Variants in KIF5B observed in about 807,000 individuals in gnomAD.
KIF5B encodes the protein kinesin-1 heavy chain.
A neutral mutation model predicts 132.8 loss-of-function variants in KIF5B; 49 were observed. That is an observed-to-expected ratio of 0.37 (90% CI 0.29 to 0.47). The LOEUF (loss-of-function observed/expected upper bound fraction) is 0.47. Ranked by LOEUF, KIF5B falls within the 20% of genes least tolerant of loss-of-function variation. The probability of loss-of-function intolerance (pLI) is 1.00; values close to 1 mark genes in which losing one functional copy is unlikely to be tolerated. For missense variants in KIF5B, 780 were observed against 1,144.0 expected, an observed-to-expected ratio of 0.68 and a Z score of 4.59; for synonymous variants, 355 against 369.4, an observed-to-expected ratio of 0.96 and a Z score of 0.45.
chr10:32,053,929 G>C (rs1410384629), intron 1 of KIF5B, among the ~76,000 whole-genome samples: 1 of 152,078 alleles, frequency 6.6e-6, no homozygotes, highest in African/African-American at 2.4e-5. Context: ...TGGAAACCTA[G>C]AATAAATGTA....
intron 2 of KIF5B, 21 bp from the exon 3 acceptor site, chr10:32,040,478 G>C: frequency 2.1e-6 from 3 of 1,413,592 alleles, no homozygotes; most frequent in Non-Finnish European, 3.0e-6. Context: ...AGATTTTATA[G>C]TTCAGGGGAT....
At position 32,021,084 on chromosome 10, in the gene KIF5B, T is replaced by C. The variant is rs767276141; in HGVS notation, c.2142A>G (p.Lys714=). Residue 714 remains lysine, a synonymous_variant, in exon 19 of 26, where the codon AAA becomes AAG. Transcript: ENST00000302418. The part of the protein sequence containing the change: ...QIQSHRETHQ[K]QISSLRDEVE... ...CTTCATCTCTCAAACTACTGATCTG[T>C]TTTTGATGAGTTTCTCTATGGCTCT... 5 of 1,613,842 alleles carry C rather than the reference T, an allele frequency of 3.1e-6. No individual in the cohort carries two copies. The highest frequency in any genetic ancestry group is 4.2e-6 in the Non-Finnish European group (5 of 1,179,870).
Position 32,010,695 on chromosome 10 carries a change from G to A in KIF5B, c.*842C>T, listed in dbSNP as rs1276427424. ...CTTATATTAGCTAGCAGGCTCACCA[G>A]AATAAAGCAGAGTATTTTAATTCCA... On this transcript the variant is annotated 3_prime_UTR_variant, in exon 26 of 26. Coordinates refer to ENST00000302418, the MANE Select transcript of KIF5B (RefSeq NM_004521.3). The A allele has an allele frequency of 1.3e-5, 2 of 152,254 alleles. No individual in the cohort carries two copies. The highest frequency in any genetic ancestry group is 3.9e-4 in the East Asian group (2 of 5,192). The allele number at this position is 152,254 out of a possible 1,614,324, so 9.4% of individuals were successfully genotyped here. A position where few individuals can be genotyped will look rare whatever the true frequency, so the allele number is the denominator to read the frequency against.
chr10:32,034,750 TTTTTTC>T lies in KIF5B; in HGVS notation c.1045_1050del (p.Glu349_Lys350del). The T allele has an allele frequency of 3.7e-6, 6 of 1,609,826 alleles. No individual in the cohort carries two copies. The highest frequency in any genetic ancestry group is 4.2e-6 in the Non-Finnish European group (5 of 1,178,204). ...TGAATAGTGTTCCGCAGGATCTTATTTTTTTCTTTTTCTTTTTCATACTTCTTTTTC... is the reference window on the plus strand; with the variant it reads ...TGAATAGTGTTCCGCAGGATCTTATTTTTTTCTTTTTCATACTTCTTTTTC... On this transcript the variant is annotated inframe_deletion, in exon 11 of 26. Coordinates refer to ENST00000302418, the MANE Select transcript of KIF5B (RefSeq NM_004521.3).
At chr10:32,045,550 G>C (rs77331790) in intron 2 of KIF5B, among the ~76,000 whole-genome samples, 1,889 of 152,208 alleles carry the variant, frequency 0.012, 38 homozygotes, top group African/African-American at 0.043. Context: ...ACGTTCCAGG[G>C]ATAAAAATCT....
chr10:32,041,392 A>T (rs2132608776), intron 2 of KIF5B, among the ~76,000 whole-genome samples: 1 of 152,334 alleles, frequency 6.6e-6, no homozygotes, highest in East Asian at 1.9e-4. Flanking sequence ...CTTATAATAA[A>T]GAATCTCTTG....
At chr10:32,053,421 TAA>T (rs34885039) in intron 1 of KIF5B, among the ~76,000 whole-genome samples, 132 of 135,778 alleles carry the variant, frequency 9.7e-4, no homozygotes, top group African/African-American at 1.5e-3. Context: ...GGTTACACGT[TAA>T]AAAAAAAAAA....
At chr10:32,045,864 C>T (rs1841601267) in intron 2 of KIF5B, among the ~76,000 whole-genome samples, 1 of 152,120 alleles carries the variant, frequency 6.6e-6, no homozygotes, top group Admixed American at 6.5e-5. Flanking sequence ...AGGTAAGAGG[C>T]TCTGAAGTTG....
At chr10:32,047,845 C>T (rs1353229782) in intron 2 of KIF5B, among the ~76,000 whole-genome samples, 2 of 152,174 alleles carry the variant, frequency 1.3e-5, no homozygotes, top group African/African-American at 2.4e-5. Flanking sequence ...CACAAAGTAA[C>T]AGCCATTCCT....
intron 10 of KIF5B, among the ~76,000 whole-genome samples, 159 bp from the exon 11 acceptor site, chr10:32,034,997 C>G (rs1254548443): frequency 1.9e-4 from 29 of 151,056 alleles, no homozygotes; most frequent in Admixed American, 1.9e-3. Flanking sequence ...ATTTACAACT[C>G]AACTAAATTT....
rs746419991 is a variant in KIF5B at position 32,018,099 on chromosome 10, A to T, written c.2497T>A (p.Ser833Thr). 3.1e-6 allele frequency: 5 copies of T among 1,611,722 alleles called. No individual in the cohort carries two copies. Among genetic ancestry groups the T allele is most frequent in the Non-Finnish European group, 4.2e-6 (5 of 1,178,368 alleles). ...GGSAAQKQKI[S>T]FLENNLEQLT... ...TGTTCAAGATTATTTTCAAGAAAGG[A>T]GATTTTTTGCTTCTGAGCAGCGCTG... The change falls in exon 23 of 26, where the codon TCC becomes ACC. Residue 833 changes from serine to threonine, a missense_variant. Physicochemically the swap from Ser to Thr is moderately conservative, Grantham distance 58 (BLOSUM62 1). Transcript: ENST00000302418.
chr10:32,045,901 A>G (rs559263467), intron 2 of KIF5B, among the ~76,000 whole-genome samples: 1 of 152,234 alleles, frequency 6.6e-6, no homozygotes, highest in African/African-American at 2.4e-5. Context: ...GTGTGATTGA[A>G]ATAACTGCCA....
Position 32,044,768 on chromosome 10 carries a change from C to T in KIF5B, c.214+3696G>A, listed in dbSNP as rs1044973510. Among the ~76,000 whole-genome samples, 5 of 152,052 alleles carry T rather than the reference C, an allele frequency of 3.3e-5. No homozygotes were observed. In the East Asian group the frequency reaches 9.7e-4, roughly 29 times the overall value. ...TTAACAACTCCTAGTACCTATTTTG[C>T]ACAAGAAGAAATGGAGGCTTGGAAA... On this transcript the variant is annotated intron_variant, in intron 2 of 25. Coordinates refer to ENST00000302418, the MANE Select transcript of KIF5B (RefSeq NM_004521.3).
At chr10:32,029,382 A>ATT (rs1170793518) in intron 14 of KIF5B, among the ~76,000 whole-genome samples, 6 of 152,194 alleles carry the variant, frequency 3.9e-5, no homozygotes, top group Admixed American at 3.3e-4. Flanking sequence ...GGGCTTCTGT[A>ATT]TTTGTAATGC....
At chr10:32,013,005 G>A (rs752074733) in intron 25 of KIF5B, among the ~76,000 whole-genome samples, 5 of 151,318 alleles carry the variant, frequency 3.3e-5, no homozygotes, top group African/African-American at 9.7e-5. Flanking sequence ...GGGTTCAAGC[G>A]ATTCTCCTGC....
At chr10:32,024,532 C>T (rs1220402144) in intron 15 of KIF5B, among the ~76,000 whole-genome samples, 2 of 150,610 alleles carry the variant, frequency 1.3e-5, no homozygotes, top group East Asian at 2.0e-4. Flanking sequence ...GGGAGGCTGA[C>T]GCGGGCAGAT....
chr10:32,048,180 ACT>A (rs1841639390), intron 2 of KIF5B, among the ~76,000 whole-genome samples: 2 of 152,074 alleles, frequency 1.3e-5, no homozygotes, highest in South Asian at 4.2e-4. Flanking sequence ...CACCTTGGAA[ACT>A]CTCCTGGGAA....
intron 15 of KIF5B, among the ~76,000 whole-genome samples, chr10:32,027,434 A>C (rs1033142585): frequency 3.3e-5 from 5 of 152,112 alleles, no homozygotes; most frequent in African/African-American, 1.2e-4. Flanking sequence ...AAATATGGAC[A>C]TATTTTGAAA....
chr10:32,038,351 A>T, intron 5 of KIF5B, 133 bp from the exon 6 acceptor site: 1 of 663,934 alleles, frequency 1.5e-6, no homozygotes, highest in Non-Finnish European at 2.7e-6. Context: ...ACATTGCTCT[A>T]AAGCAGACCT....
Sources: allele counts gnomAD v4.1 joint callset (sites outside exome capture counted in the v4.1 genomes callset), GRCh38; gene constraint gnomAD v4.1.1; transcripts MANE v1.5; gene names NCBI Gene and HGNC (gene_info 2026-07-23, HGNC 2026-07-21).